The following HIBADH variants were observed in gnomAD, a reference collection of about 807,000 sequenced individuals.
HIBADH encodes 3-hydroxyisobutyrate dehydrogenase, mitochondrial.
In HIBADH, 25 loss-of-function variants were observed where a neutral mutation model predicts 36.1. The observed-to-expected ratio is 0.69, with a 90% CI of 0.50 to 0.97. HIBADH has a LOEUF of 0.97. Among genes scored for constraint, HIBADH ranks in the 50% least tolerant of loss-of-function variants. The pLI is 0.00. For missense variants in HIBADH, 421 were observed against 418.0 expected (o/e 1.01, Z -0.06); for synonymous variants, 160 against 149.5 (o/e 1.07, Z -0.51).
intron 4 of HIBADH, among the ~76,000 whole-genome samples, chr7:27,597,407 G>C (rs987000124): frequency 7.3e-5 from 11 of 151,338 alleles, no homozygotes; most frequent in Non-Finnish European, 5.9e-5. Context: ...GATTATTATT[G>C]GGTACCAAAG....
chr7:27,652,898 G>A (rs1031762149), intron 1 of HIBADH, among the ~76,000 whole-genome samples: 1 of 152,074 alleles, frequency 6.6e-6, no homozygotes, highest in Non-Finnish European at 1.5e-5. Context: ...GGAGGCCAAA[G>A]TGGGTGGATC....
chr7:27,586,367 A>G (rs955897437), intron 4 of HIBADH, among the ~76,000 whole-genome samples: 2 of 137,786 alleles, frequency 1.5e-5, no homozygotes, highest in Admixed American at 1.5e-4. Context: ...ACAGGGAGAG[A>G]GAGAAGGAAG....
intron 2 of HIBADH, among the ~76,000 whole-genome samples, chr7:27,637,239 G>T (rs1785856010): frequency 6.6e-6 from 1 of 152,176 alleles, no homozygotes; most frequent in Admixed American, 6.5e-5. Context: ...GAAAGGTTAA[G>T]TAATCTGAAG....
chr7:27,529,018 C>A (rs2098316), intron 7 of HIBADH, among the ~76,000 whole-genome samples: 115,470 of 152,152 alleles, frequency 0.76, 44,320 homozygotes, highest in East Asian at 0.94. Flanking sequence ...CCTGTGCTCT[C>A]CAAATGGAAC....
chr7:27,616,917 A>G (rs961218378), intron 4 of HIBADH, among the ~76,000 whole-genome samples: 12 of 152,360 alleles, frequency 7.9e-5, no homozygotes, highest in Non-Finnish European at 1.6e-4. Context: ...CAAGAGTCAG[A>G]AAGTTTTTTA....
intron 1 of HIBADH, among the ~76,000 whole-genome samples, chr7:27,652,914 A>T (rs1235029129): frequency 3.3e-5 from 5 of 152,068 alleles, no homozygotes; most frequent in Non-Finnish European, 7.4e-5. Context: ...GGATCACCTG[A>T]GGTCAGGAGT....
chr7:27,563,822 G>A (rs1222279067), intron 4 of HIBADH, among the ~76,000 whole-genome samples: 1 of 151,878 alleles, frequency 6.6e-6, no homozygotes, highest in East Asian at 1.9e-4. Context: ...CATGTAGTTT[G>A]CAACATTTCT....
At chr7:27,597,446 TAA>T (rs11289715) in intron 4 of HIBADH, among the ~76,000 whole-genome samples, 155 of 148,106 alleles carry the variant, frequency 1.0e-3, no homozygotes, top group African/African-American at 3.2e-3. Context: ...ATAGACTCAG[TAA>T]AAAAAAAAAA....
intron 4 of HIBADH, among the ~76,000 whole-genome samples, chr7:27,592,610 A>G (rs931994737): frequency 1.3e-5 from 2 of 152,112 alleles, no homozygotes; most frequent in Non-Finnish European, 2.9e-5. Flanking sequence ...TACTTTTAGG[A>G]AAACAAACAA....
intron 4 of HIBADH, among the ~76,000 whole-genome samples, chr7:27,564,213 G>A (rs1784507528): frequency 6.6e-6 from 1 of 152,086 alleles, no homozygotes; most frequent in South Asian, 2.1e-4. Context: ...TTTTCATAAA[G>A]TACAATTTAT....
At chr7:27,529,819 A>C (rs1394682989) in intron 7 of HIBADH, among the ~76,000 whole-genome samples, 1 of 152,208 alleles carries the variant, frequency 6.6e-6, no homozygotes, top group African/African-American at 2.4e-5. Context: ...GGATGAGTAA[A>C]TCAATGCAGT....
At chr7:27,558,088 A>G (rs1418104275) in intron 4 of HIBADH, among the ~76,000 whole-genome samples, 1 of 151,666 alleles carries the variant, frequency 6.6e-6, no homozygotes, top group Non-Finnish European at 1.5e-5. Flanking sequence ...TTTCATCCAT[A>G]TCTGTGTGCA....
chr7:27,571,566 ACT>A (rs1282511628), intron 4 of HIBADH, among the ~76,000 whole-genome samples: 3 of 151,852 alleles, frequency 2.0e-5, no homozygotes, highest in Non-Finnish European at 4.4e-5. Flanking sequence ...GTCATTTCAT[ACT>A]CTGTTTTGGA....
At chr7:27,544,744 G>A (rs1484703025) in intron 4 of HIBADH, among the ~76,000 whole-genome samples, 1 of 152,070 alleles carries the variant, frequency 6.6e-6, no homozygotes. Context: ...CAATAGTTTT[G>A]CTTTGTATTT....
rs564618058 is a variant in HIBADH at position 27,579,146 on chromosome 7, CTG to C, written c.485-36048_485-36047del. On this transcript the variant is annotated intron_variant, in intron 4 of 7. Coordinates refer to ENST00000265395, the MANE Select transcript of HIBADH (RefSeq NM_152740.4). Reference sequence around the variant, plus strand: ...GAAAATCCAGTTATTTGGGGGACAACTGAGAAAATTTGAATATGGGTTATATA... The same window carrying C: ...GAAAATCCAGTTATTTGGGGGACAACAGAAAATTTGAATATGGGTTATATA... Among the ~76,000 whole-genome samples the C allele has an allele frequency of 2.0e-5, 3 of 152,180 alleles. No individual in the cohort carries two copies. The South Asian group carries it at 6.2e-4, about 32-fold the overall frequency.
chr7:27,617,919 A>T (rs1785459603), intron 4 of HIBADH, among the ~76,000 whole-genome samples: 1 of 152,120 alleles, frequency 6.6e-6, no homozygotes, highest in East Asian at 1.9e-4. Context: ...AAGTGCTTTA[A>T]CCCACAGGGT....
chr7:27,581,644 A>C (rs550827709), intron 4 of HIBADH, among the ~76,000 whole-genome samples: 7 of 152,288 alleles, frequency 4.6e-5, no homozygotes, highest in Admixed American at 4.6e-4. Context: ...GCAATGATTA[A>C]ATCAAGCTAA....
chr7:27,646,328 T>C (rs1786070201), intron 2 of HIBADH, among the ~76,000 whole-genome samples: 1 of 152,128 alleles, frequency 6.6e-6, no homozygotes, highest in Non-Finnish European at 1.5e-5. Flanking sequence ...CTCAAAAATG[T>C]CTTTCACATT....
intron 4 of HIBADH, among the ~76,000 whole-genome samples, chr7:27,620,474 A>AAAC (rs869115214): frequency 1.3e-5 from 2 of 152,140 alleles, no homozygotes; most frequent in African/African-American, 2.4e-5. Flanking sequence ...CTGACAGGAA[A>AAAC]AACAACAACA....
Sources: allele counts gnomAD v4.1 joint callset (sites outside exome capture counted in the v4.1 genomes callset), GRCh38; gene constraint gnomAD v4.1.1; transcripts MANE v1.5; gene names NCBI Gene and HGNC (gene_info 2026-07-23, HGNC 2026-07-21).